ELP4: variants seen among roughly 807,000 people sequenced by gnomAD.
ELP4 encodes the protein elongator acetyltransferase complex subunit 4, also known as elongator complex protein 4.
A neutral mutation model predicts 48.9 loss-of-function variants in ELP4; 51 were observed. The ratio of observed to expected loss-of-function variants is 1.04; its 90% CI spans 0.83 to 1.32. ELP4 has a LOEUF of 1.32. ELP4 is among the 40% of genes most tolerant of loss of function. The probability of loss-of-function intolerance (pLI) is 0.00; values close to 1 mark genes in which losing one functional copy is unlikely to be tolerated. For missense variants in ELP4, 519 were observed against 514.6 expected (o/e 1.01, Z -0.08); for synonymous variants, 210 against 189.2 (o/e 1.11, Z -0.90).
intron 3 of ELP4, among the ~76,000 whole-genome samples, chr11:31,565,690 G>A (rs1344396710): frequency 2.0e-5 from 3 of 150,568 alleles, no homozygotes; most frequent in African/African-American, 5.0e-5. Flanking sequence ...TTGTAGATGT[G>A]TGGTATTATT....
rs1948798689 is a variant in ELP4, at chr11:31,788,114, C to T, written c.*4590C>T. The T allele has an allele frequency of 4.5e-6, 1 of 223,576 alleles. No homozygotes were observed. Among genetic ancestry groups the T allele is most frequent in the Non-Finnish European group, 8.9e-6 (1 of 111,936 alleles). 13.8% of individuals were successfully genotyped at this position (223,576 alleles called of 1,614,324 possible). A position where few individuals can be genotyped will look rare whatever the true frequency, so the allele number is the denominator to read the frequency against. ...TACCCAACAAAGGCTTATTTTTTTC[C>T]ATCCTTTGCTTGGGCTCAAGCACTC... On this transcript the variant is annotated 3_prime_UTR_variant, in exon 10 of 10. Transcript: ENST00000640961.
chr11:31,745,052 C>G (rs1163192438), intron 9 of ELP4, among the ~76,000 whole-genome samples: 2 of 152,192 alleles, frequency 1.3e-5, no homozygotes, highest in Admixed American at 6.5e-5. Context: ...TCTCAGGATA[C>G]AAAATCAATG....
At chr11:31,546,544 T>C (rs1002700162) in intron 3 of ELP4, among the ~76,000 whole-genome samples, 25 of 152,104 alleles carry the variant, frequency 1.6e-4, no homozygotes, top group Admixed American at 4.6e-4. Flanking sequence ...TGGGAGATTT[T>C]AACACCCCAC....
chr11:31,721,201 A>G lies in ELP4; in HGVS notation c.1144-62192A>G, dbSNP rs1329654293. The stretch of plus-strand genomic sequence containing the variant: ...GTACTTTTGAGCTAGTATGAAGTCA[A>G]TGAGCTGCCTTCAGCATTCATGAAG... On this transcript the variant is annotated intron_variant, in intron 9 of 9. Coordinates refer to ENST00000640961, the MANE Select transcript of ELP4 (RefSeq NM_019040.5). 2.6e-5 allele frequency among the ~76,000 whole-genome samples: 4 copies of G among 152,206 alleles called. 1 individual carries two copies. The highest frequency in any genetic ancestry group is 5.9e-5 in the Non-Finnish European group (4 of 68,036).
At chr11:31,551,493 C>A (rs1051469365) in intron 3 of ELP4, among the ~76,000 whole-genome samples, 5 of 152,150 alleles carry the variant, frequency 3.3e-5, no homozygotes, top group African/African-American at 1.2e-4. Flanking sequence ...GGGGCTCTTT[C>A]TAAACAGCTA....
chr11:31,597,952 CT>C (rs58093641), intron 4 of ELP4, among the ~76,000 whole-genome samples: 300 of 96,306 alleles, frequency 3.1e-3, no homozygotes, highest in African/African-American at 1.0e-2. Flanking sequence ...AGCCTTTTCT[CT>C]TTTTTTTTTT....
At chr11:31,521,720 C>T (rs575196185) in intron 2 of ELP4, among the ~76,000 whole-genome samples, 19 of 152,160 alleles carry the variant, frequency 1.2e-4, no homozygotes, top group African/African-American at 4.6e-4. Context: ...CCATTCCAGT[C>T]AAAAAGTTTT....
chr11:31,716,041 C>A (rs1023693889), intron 9 of ELP4, among the ~76,000 whole-genome samples: 2 of 151,980 alleles, frequency 1.3e-5, no homozygotes, highest in Admixed American at 1.3e-4. Flanking sequence ...TGAGACAGGG[C>A]CTCGCTGTGT....
intron 5 of ELP4, 38 bp downstream of exon 5, chr11:31,603,945 C>T (rs1565075581): frequency 5.1e-6 from 8 of 1,574,016 alleles, no homozygotes; most frequent in Non-Finnish European, 6.9e-6. Flanking sequence ...AATCTGATTT[C>T]AAATATTAGT....
intron 8 of ELP4, chr11:31,649,521 T>C (rs1945276660): frequency 6.6e-6 from 1 of 151,726 alleles, no homozygotes; most frequent in Non-Finnish European, 1.5e-5. Flanking sequence ...GCAAAGCTTA[T>C]AGCAGCTACA....
chr11:31,533,817 T>C (rs186150623), intron 2 of ELP4, among the ~76,000 whole-genome samples: 132 of 151,664 alleles, frequency 8.7e-4, no homozygotes, highest in Admixed American at 2.1e-3. Flanking sequence ...AGGTAAGAGT[T>C]TTTTTTGTTT....
At chr11:31,552,187 T>G (rs926813444) in intron 3 of ELP4, among the ~76,000 whole-genome samples, 1 of 152,174 alleles carries the variant, frequency 6.6e-6, no homozygotes, top group African/African-American at 2.4e-5. Context: ...CCACTTTATC[T>G]TATTCTTCTT....
At chr11:31,642,419 G>T (rs1026814853) in intron 7 of ELP4, among the ~76,000 whole-genome samples, 4 of 151,750 alleles carry the variant, frequency 2.6e-5, no homozygotes, top group Non-Finnish European at 4.4e-5. Flanking sequence ...AACACAAAAA[G>T]TTGTGGCTCC....
chr11:31,724,051 T>C (rs1947023187), intron 9 of ELP4, among the ~76,000 whole-genome samples: 1 of 152,222 alleles, frequency 6.6e-6, no homozygotes, highest in African/African-American at 2.4e-5. Context: ...TTTCTATAGA[T>C]GGCTGCTCTA....
chr11:31,632,687 C>G (rs545091833), intron 7 of ELP4: 176 of 264,810 alleles, frequency 6.6e-4, no homozygotes, highest in Non-Finnish European at 1.0e-3. Context: ...TTTTGAAGAG[C>G]TAAAGTTTTC....
intron 3 of ELP4, among the ~76,000 whole-genome samples, chr11:31,566,974 T>G (rs1037999352): frequency 5.3e-5 from 8 of 152,228 alleles, no homozygotes; most frequent in Admixed American, 5.2e-4. Flanking sequence ...CAATTTACAT[T>G]TTTCACAAGA....
At chr11:31,667,342 A>T (rs1945702237) in intron 9 of ELP4, among the ~76,000 whole-genome samples, 2 of 152,180 alleles carry the variant, frequency 1.3e-5, no homozygotes, top group Non-Finnish European at 2.9e-5. Flanking sequence ...GCAGTAGTAT[A>T]ATCACTACTG....
At chr11:31,636,546 T>C (rs1592179124) in intron 7 of ELP4, among the ~76,000 whole-genome samples, 1 of 152,068 alleles carries the variant, frequency 6.6e-6, no homozygotes, top group African/African-American at 2.4e-5. Context: ...TTTAATTTCA[T>C]TGTAGGGGAA....
chr11:31,651,048 G>A (rs1035633896), intron 9 of ELP4: 5 of 151,570 alleles, frequency 3.3e-5, no homozygotes, highest in South Asian at 2.1e-4. Context: ...AGAGAGAATT[G>A]CCACCAATAA....
Sources: allele counts gnomAD v4.1 joint callset (sites outside exome capture counted in the v4.1 genomes callset), GRCh38; gene constraint gnomAD v4.1.1; transcripts MANE v1.5; gene names NCBI Gene and HGNC (gene_info 2026-07-23, HGNC 2026-07-21).